Variants in DSCAML1 observed in about 807,000 individuals in gnomAD.
DSCAML1 encodes cell adhesion molecule DSCAML1.
Under a neutral mutation model 200.5 loss-of-function variants are expected in DSCAML1, and 38 were observed. The ratio of observed to expected loss-of-function variants is 0.19; its 90% CI spans 0.15 to 0.25. The LOEUF (loss-of-function observed/expected upper bound fraction) is 0.25. Ranked by LOEUF, DSCAML1 falls within the 10% of genes least tolerant of loss-of-function variation. The pLI is 1.00. For missense variants in DSCAML1, 2,223 were observed against 2,858.8 expected, an observed-to-expected ratio of 0.78 and a Z score of 5.07; for synonymous variants, 1,215 against 1,165.0, an observed-to-expected ratio of 1.04 and a Z score of -0.87.
At chr11:117,512,643 T>TAC (rs71037481) in intron 8 of DSCAML1, among the ~76,000 whole-genome samples, 10,814 of 124,678 alleles carry the variant, frequency 0.087, 510 homozygotes, top group Admixed American at 0.12. Flanking sequence ...CAAGCGTGTG[T>TAC]ACACACACAC....
At position 117,465,165 on chromosome 11, in the gene DSCAML1, C is replaced by T. The variant is rs762683163; in HGVS notation, c.3042G>A (p.Leu1014=). ...GGTAGCCCCGGATGACACCGTTCTG[C>T]AGCTCCTTCTTGGGTGCCTGTGAGC... is the stretch of plus-strand genomic sequence containing the variant. ...QVTWKAPKKE[L]QNGVIRGYQI... Residue 1014 remains leucine, a synonymous_variant, in exon 17 of 33, where the codon CTG becomes CTA. Coordinates refer to ENST00000651296, the MANE Select transcript of DSCAML1 (RefSeq NM_020693.4). 9.3e-6 allele frequency: 15 copies of T among 1,613,904 alleles called. No individual in the cohort carries two copies. In the Middle Eastern group the frequency reaches 5.0e-4, roughly 53 times the overall value.
At chr11:117,777,871 C>T (rs977931688) in intron 2 of DSCAML1, among the ~76,000 whole-genome samples, 6 of 152,202 alleles carry the variant, frequency 3.9e-5, no homozygotes, top group Non-Finnish European at 8.8e-5. Flanking sequence ...TGTTTGGCCT[C>T]TCCCAGGCCT....
At chr11:117,646,295 G>A (rs1331506681) in intron 3 of DSCAML1, among the ~76,000 whole-genome samples, 1 of 151,908 alleles carries the variant, frequency 6.6e-6, no homozygotes, top group Non-Finnish European at 1.5e-5. Context: ...CTGGAGAGGT[G>A]TGGAATCCCA....
chr11:117,473,786 A>C (rs2048733274), intron 14 of DSCAML1, among the ~76,000 whole-genome samples: 1 of 152,206 alleles, frequency 6.6e-6, no homozygotes, highest in African/African-American at 2.4e-5. Context: ...TGTATTTTAA[A>C]ACACCCTAAC....
In DSCAML1 at chr11:117,461,443, G is replaced by A; in HGVS notation, c.3412+7C>T. The A allele has an allele frequency of 6.2e-7, 1 of 1,614,148 alleles. No individual in the cohort carries two copies. On this transcript the variant is annotated splice_region_variant and intron_variant, in intron 18 of 32. Coordinates refer to ENST00000651296, the MANE Select transcript of DSCAML1 (RefSeq NM_020693.4). ...TGAGTCCCAGCCATCAGTCCCAGCA[G>A]ACTCACCCCCATCAACATAGAGGGA...
chr11:117,797,492 C>T (rs2055606575), upstream of DSCAML1, among the ~76,000 whole-genome samples: 1 of 152,222 alleles, frequency 6.6e-6, no homozygotes, highest in Non-Finnish European at 1.5e-5. Flanking sequence ...ATCCATGTGC[C>T]AACAGCCTGC....
At chr11:117,698,384 C>A (rs2053618036) in intron 3 of DSCAML1, among the ~76,000 whole-genome samples, 1 of 152,230 alleles carries the variant, frequency 6.6e-6, no homozygotes, top group African/African-American at 2.4e-5. Flanking sequence ...AAGGCCCAGA[C>A]TTCACTGCCA....
At chr11:117,447,015 G>A (rs894896775) in intron 20 of DSCAML1, among the ~76,000 whole-genome samples, 10 of 152,144 alleles carry the variant, frequency 6.6e-5, no homozygotes, top group South Asian at 2.1e-4. Context: ...GGTCAGGTGC[G>A]GTGGTGGCTC....
rs970414719 is a variant in DSCAML1 at position 117,527,223 on chromosome 11, A to G, written c.659-2140T>C. Among the ~76,000 whole-genome samples, 4 of 152,234 alleles carry G rather than the reference A, an allele frequency of 2.6e-5. No homozygotes were observed. In the East Asian group the frequency reaches 7.7e-4, roughly 29 times the overall value. On this transcript the variant is annotated intron_variant, in intron 4 of 32. Coordinates refer to ENST00000651296, the MANE Select transcript of DSCAML1 (RefSeq NM_020693.4). ...AAAAGTGTTTTAACAGATAAAATAG[A>G]TAACATATGGACTTGGCAAAACTTC...
At chr11:117,705,553 A>T (rs1163896716) in intron 3 of DSCAML1, among the ~76,000 whole-genome samples, 1 of 152,170 alleles carries the variant, frequency 6.6e-6, no homozygotes, top group East Asian at 1.9e-4. Context: ...CCACTGTGGG[A>T]GTGGCCTGGA....
intron 1 of DSCAML1, among the ~76,000 whole-genome samples, chr11:117,810,377 CG>C (rs2055751179): frequency 6.7e-6 from 1 of 149,770 alleles, no homozygotes; most frequent in Admixed American, 6.6e-5. Flanking sequence ...TTCCGCACCC[CG>C]ACCTCTTATC....
chr11:117,757,358 A>G (rs111258422), intron 3 of DSCAML1, among the ~76,000 whole-genome samples: 96 of 152,276 alleles, frequency 6.3e-4, no homozygotes, highest in Non-Finnish European at 1.1e-3. Flanking sequence ...TATTTCTTTC[A>G]AGATATCCAT....
At chr11:117,728,714 T>C (rs1053331884) in intron 3 of DSCAML1, among the ~76,000 whole-genome samples, 7 of 152,190 alleles carry the variant, frequency 4.6e-5, no homozygotes, top group Admixed American at 1.3e-4. Flanking sequence ...AATACATTAC[T>C]TAGGAATAAT....
chr11:117,521,411 C>A lies in DSCAML1; in HGVS notation c.938-6G>T. Reference sequence around the variant, plus strand: ...CAGGGTCACATGAAGGGGATCTGGGCCGGGCCAGGGAGACGTGAGGGGAAA... The same window carrying A: ...CAGGGTCACATGAAGGGGATCTGGGACGGGCCAGGGAGACGTGAGGGGAAA... On this transcript the variant is annotated splice_polypyrimidine_tract_variant and splice_region_variant and intron_variant, in intron 5 of 32. Transcript: ENST00000651296. 6.2e-7 allele frequency: 1 copy of A among 1,610,232 alleles called. No homozygotes were observed. The highest frequency in any genetic ancestry group is 1.1e-5 in the South Asian group (1 of 91,004).
intron 8 of DSCAML1, among the ~76,000 whole-genome samples, chr11:117,508,024 A>C (rs2049537614): frequency 6.6e-6 from 1 of 151,454 alleles, no homozygotes; most frequent in Non-Finnish European, 1.5e-5. Context: ...CCCCCCTCCT[A>C]GTTGGTGTGT....
At position 117,428,540 on chromosome 11, in the gene DSCAML1, C is replaced by T. The variant is rs2137050100; in HGVS notation, c.5950G>A (p.Ala1984Thr). The T allele has an allele frequency of 6.6e-7, 1 of 1,512,706 alleles. No homozygotes were observed. The highest frequency in any genetic ancestry group is 1.2e-5 in the South Asian group (1 of 82,328). The allele number at this position is 1,512,706 out of a possible 1,614,324, so 93.7% of individuals were successfully genotyped here. A position where few individuals can be genotyped will look rare whatever the true frequency, so the allele number is the denominator to read the frequency against. ...GGGGTGGGGCCGGGGGCTGGGGGGG[C>T]TGTGCCGGCTGGGGGGGCTGGCATG... ...LAMPAPPAGT[A>T]PPAPGPTPAE... Residue 1984 changes from alanine (A) to threonine (T), a missense_variant, in exon 33 of 33, where the codon GCC becomes ACC. Ala to Thr is a moderately conservative substitution (Grantham distance 58). Around this residue, in one of 7 missense-constraint regions of DSCAML1, gnomAD observed 280 missense variants for 213.4 expected, o/e 1.31. Coordinates refer to ENST00000651296, the MANE Select transcript of DSCAML1 (RefSeq NM_020693.4).
At chr11:117,729,161 G>C (rs2054179415) in intron 3 of DSCAML1, among the ~76,000 whole-genome samples, 1 of 152,180 alleles carries the variant, frequency 6.6e-6, no homozygotes, top group African/African-American at 2.4e-5. Flanking sequence ...GACCACTCAG[G>C]AGAGGGGAAA....
At chr11:117,461,186 T>C (rs1489908900) in intron 18 of DSCAML1, among the ~76,000 whole-genome samples, 22 of 149,654 alleles carry the variant, frequency 1.5e-4, no homozygotes, top group Admixed American at 1.5e-3. Flanking sequence ...GATGCCACCC[T>C]AGGTACCACC....
At chr11:117,445,196 TC>T (rs1446867216) in intron 20 of DSCAML1, among the ~76,000 whole-genome samples, 1 of 152,138 alleles carries the variant, frequency 6.6e-6, no homozygotes, top group African/African-American at 2.4e-5. Flanking sequence ...GGAGGAGACA[TC>T]CTTTTTGGCC....
Sources: allele counts gnomAD v4.1 joint callset (sites outside exome capture counted in the v4.1 genomes callset), GRCh38; gene constraint gnomAD v4.1.1; regional missense constraint gnomAD v4.1.1; transcripts MANE v1.5; gene names NCBI Gene and HGNC (gene_info 2026-07-23, HGNC 2026-07-21).